TECTA: variants seen among roughly 807,000 people sequenced by gnomAD.
TECTA encodes the protein alpha-tectorin.
A neutral mutation model predicts 216.8 loss-of-function variants in TECTA; 128 were observed. The ratio of observed to expected loss-of-function variants is 0.59; its 90% CI spans 0.51 to 0.68. The LOEUF is 0.68. Ranked by LOEUF, TECTA falls within the 30% of genes least tolerant of loss-of-function variation. TECTA has a pLI of 0.00. For synonymous variants in TECTA, 1,089 were observed against 1,117.1 expected (o/e 0.97, Z 0.50); for missense variants, 2,551 against 2,786.2 (o/e 0.92, Z 1.90).
intron 20 of TECTA, among the ~76,000 whole-genome samples, chr11:121,175,348 C>G (rs1341441842): frequency 6.6e-6 from 1 of 152,030 alleles, no homozygotes; most frequent in Non-Finnish European, 1.5e-5. Context: ...AAATTTCCCT[C>G]TACACACTGC....
chr11:121,166,905 C>G, intron 18 of TECTA, 125 bp downstream of exon 18: 1 of 1,063,578 alleles, frequency 9.4e-7, no homozygotes, highest in Non-Finnish European at 1.4e-6. Context: ...TAGAAAACAG[C>G]AATAGGCATG....
In TECTA at chr11:121,113,112, A is replaced by G. The variant is rs371414224; in HGVS notation, c.527A>G (p.Tyr176Cys). Residue 176 changes from tyrosine (Y) to cysteine (C), a missense_variant, in exon 5 of 24, where the codon TAT (tyrosine) becomes TGT (cysteine). Physicochemically the swap from Tyr to Cys is radical, Grantham distance 194. Coordinates refer to ENST00000392793, the MANE Select transcript of TECTA (RefSeq NM_005422.4). The surrounding 1 kb of genome is among the most constrained non-coding windows in gnomAD (Gnocchi z 4.2). ...FQAVLVSDGS[Y>C]TFTLFNYYEI... ...GCCGTCCTAGTGTCCGATGGCTCCT[A>G]TACATTCACCCTCTTCAATTATTAC... 1.2e-5 allele frequency: 20 copies of G among 1,614,068 alleles called. No homozygotes were observed. The African/African-American group carries it at 2.1e-4, about 17-fold the overall frequency.
intron 20 of TECTA, among the ~76,000 whole-genome samples, chr11:121,171,438 AT>A (rs986127001): frequency 1.3e-5 from 2 of 151,380 alleles, no homozygotes; most frequent in African/African-American, 2.4e-5. Context: ...AAATTTTAGG[AT>A]TTTTTTTCTA....
chr11:121,190,643 T>A, intron 23 of TECTA, 63 bp from the exon 24 acceptor site: 1 of 1,267,610 alleles, frequency 7.9e-7, no homozygotes, highest in Non-Finnish European at 1.2e-6. Flanking sequence ...CAAAGATGTC[T>A]GATCCCTATC....
At position 121,189,772 on chromosome 11, in the gene TECTA, T is replaced by G; in HGVS notation, c.6259T>G (p.Trp2087Gly). Residue 2087 changes from tryptophan to glycine, a missense_variant, in exon 23 of 24, where the codon TGG (tryptophan) becomes GGG (glycine). Physicochemically the swap from Trp to Gly is radical, Grantham distance 184. Transcript: ENST00000392793. ...TAACTGCTCTTTTGTAGGGCTGGAC[T>G]GGTGTGAGGACAATGGAGGGTGTGA... ...VGPIRRKRLDWCEDNGGCEQI... is the reference protein window; with the variant it reads ...VGPIRRKRLDGCEDNGGCEQI... The G allele has an allele frequency of 6.2e-7, 1 of 1,614,008 alleles. No individual in the cohort carries two copies. Among genetic ancestry groups the G allele is most frequent in the South Asian group, 1.1e-5 (1 of 91,080 alleles).
At chr11:121,159,785 T>G (rs1946979864) in intron 14 of TECTA, among the ~76,000 whole-genome samples, 1 of 152,212 alleles carries the variant, frequency 6.6e-6, no homozygotes, top group Non-Finnish European at 1.5e-5. Context: ...GGTTATACTT[T>G]TCTAAGGTTT....
rs1231008112 is a variant in TECTA, at chr11:121,162,235, T to C, written c.5137T>C (p.Phe1713Leu). 6.2e-7 allele frequency: 1 copy of C among 1,614,152 alleles called. No individual in the cohort carries two copies. The highest frequency in any genetic ancestry group is 2.2e-5 in the East Asian group (1 of 44,886). ...PCYGLLDPLPFYESCYLDGCY... is the reference protein window; with the variant it reads ...PCYGLLDPLPLYESCYLDGCY... Reference sequence around the variant, plus strand: ...CTATGGGCTTCTCGATCCCCTCCCATTCTACGAGTCCTGCTACCTGGACGG... The same window carrying C: ...CTATGGGCTTCTCGATCCCCTCCCACTCTACGAGTCCTGCTACCTGGACGG... Residue 1713 changes from phenylalanine (F) to leucine (L), a missense_variant, in exon 16 of 24, where the codon TTC becomes CTC. By Grantham distance (22) the Phe-to-Leu change is conservative. Transcript: ENST00000392793.
chr11:121,130,505 C>T (rs1485574918), intron 10 of TECTA, among the ~76,000 whole-genome samples: 2 of 152,144 alleles, frequency 1.3e-5, no homozygotes, highest in African/African-American at 2.4e-5. Flanking sequence ...TGTCAAAGGA[C>T]TAGAAATCTT....
intron 13 of TECTA, among the ~76,000 whole-genome samples, chr11:121,157,535 T>TA (rs1946953708): frequency 6.6e-6 from 1 of 152,254 alleles, no homozygotes; most frequent in East Asian, 1.9e-4. Flanking sequence ...CCGGGTTACT[T>TA]ACAGTGATCT....
chr11:121,115,334 T>C (rs1038210405), intron 6 of TECTA, among the ~76,000 whole-genome samples: 3 of 152,186 alleles, frequency 2.0e-5, no homozygotes, highest in African/African-American at 4.8e-5. Flanking sequence ...AAGAGCCCCA[T>C]TGAAATGCCA....
At position 121,157,828 on chromosome 11, in the gene TECTA, G is replaced by C; in HGVS notation, c.4306-13G>C. 6.2e-7 allele frequency: 1 copy of C among 1,613,370 alleles called. No individual in the cohort carries two copies. The highest frequency in any genetic ancestry group is 8.5e-7 in the Non-Finnish European group (1 of 1,180,020). On this transcript the variant is annotated splice_polypyrimidine_tract_variant and intron_variant, in intron 13 of 23. Coordinates refer to ENST00000392793, the MANE Select transcript of TECTA (RefSeq NM_005422.4). ...ACAGTCTGAATTTAATGCAAACGGC[G>C]CCTCTCTTCCAGCCCAAGCAGCTAT...
intron 12 of TECTA, among the ~76,000 whole-genome samples, chr11:121,152,309 G>A (rs1281342079): frequency 6.6e-6 from 1 of 152,230 alleles, no homozygotes; most frequent in East Asian, 1.9e-4. Flanking sequence ...TCATGGGGCT[G>A]AGGCATCTAC....
chr11:121,151,577 A>T (rs1946889994), intron 12 of TECTA, among the ~76,000 whole-genome samples: 1 of 152,220 alleles, frequency 6.6e-6, no homozygotes, highest in African/African-American at 2.4e-5. Context: ...TATGCATAGA[A>T]CACTTCTGGA....
At chr11:121,140,085 C>A (rs1946769557) in intron 11 of TECTA, among the ~76,000 whole-genome samples, 1 of 152,102 alleles carries the variant, frequency 6.6e-6, no homozygotes, top group African/African-American at 2.4e-5. Context: ...TCACGTTTTT[C>A]TTTTCTTTTA....
In TECTA at chr11:121,157,842, C is replaced by A; in HGVS notation, c.4307C>A (p.Pro1436His). Residue 1436 changes from proline to histidine, a missense_variant and splice_region_variant, in exon 14 of 24, where the codon CCC (proline) becomes CAC (histidine). Around this residue, in one of 3 missense-constraint regions of TECTA, gnomAD observed 2,375 missense variants for 2,563.9 expected, o/e 0.93. Coordinates refer to ENST00000392793, the MANE Select transcript of TECTA (RefSeq NM_005422.4). ...GCYSDGKYYE[P>H]KQLFWNSDCT... Reference sequence around the variant, plus strand: ...ATGCAAACGGCGCCTCTCTTCCAGCCCAAGCAGCTATTTTGGAACAGCGAC... The same window carrying A: ...ATGCAAACGGCGCCTCTCTTCCAGCACAAGCAGCTATTTTGGAACAGCGAC... The A allele has an allele frequency of 6.2e-7, 1 of 1,613,924 alleles. No homozygotes were observed. Among genetic ancestry groups the A allele is most frequent in the Middle Eastern group, 1.7e-4 (1 of 5,808 alleles).
At chr11:121,129,349 C>T (rs1946648025) in intron 9 of TECTA, among the ~76,000 whole-genome samples, 2 of 152,180 alleles carry the variant, frequency 1.3e-5, no homozygotes, top group South Asian at 4.1e-4. Context: ...CAGGAGGGAG[C>T]CACGTATCTA....
At chr11:121,131,048 A>G (rs1946669528) in intron 10 of TECTA, among the ~76,000 whole-genome samples, 1 of 151,594 alleles carries the variant, frequency 6.6e-6, no homozygotes, top group East Asian at 1.9e-4. Flanking sequence ...CCCTGTCTCT[A>G]CTAAAAATAC....
intron 11 of TECTA, among the ~76,000 whole-genome samples, chr11:121,140,561 A>G (rs2135100003): frequency 6.6e-6 from 1 of 152,312 alleles, no homozygotes; most frequent in South Asian, 2.1e-4. Flanking sequence ...GCCTAAAACC[A>G]CAGAAACTCG....
intron 11 of TECTA, among the ~76,000 whole-genome samples, 199 bp from the exon 12 acceptor site, chr11:121,145,356 T>C (rs1946824226): frequency 6.6e-6 from 1 of 152,262 alleles, no homozygotes; most frequent in South Asian, 2.1e-4. Flanking sequence ...TATATTAGTG[T>C]ACCAAGGATA....
Sources: gnomAD v4.1 joint callset for allele counts (sites outside exome capture counted in the v4.1 genomes callset) on GRCh38, gnomAD v4.1.1 for gene constraint, gnomAD v4.1.1 regional missense constraint, Gnocchi (gnomAD v3.1) non-coding constraint, MANE v1.5 for transcripts, NCBI Gene and HGNC (gene_info 2026-07-23, HGNC 2026-07-21) for gene names.